ZBTB20: variants seen among roughly 807,000 people sequenced by gnomAD.
ZBTB20 encodes the protein zinc finger and BTB domain-containing protein 20.
A neutral mutation model predicts 56.9 loss-of-function variants in ZBTB20; 9 were observed. That is an observed-to-expected ratio of 0.16 (90% CI 0.10 to 0.28). ZBTB20 has a LOEUF of 0.28. ZBTB20 is among the 10% of genes least tolerant of loss of function. The pLI, the probability that ZBTB20 is intolerant of heterozygous loss-of-function variation, is 1.00. For synonymous variants in ZBTB20, 417 were observed against 420.7 expected (o/e 0.99, Z 0.11); for missense variants, 655 against 1,003.0 (o/e 0.65, Z 4.69).
At chr3:114,882,397 C>T (rs1402659330) in intron 4 of ZBTB20, among the ~76,000 whole-genome samples, 1 of 151,872 alleles carries the variant, frequency 6.6e-6, no homozygotes, top group Non-Finnish European at 1.5e-5. Context: ...TTTTAACAGG[C>T]ATCAAAATTT....
chr3:114,808,607 G>A (rs1292505986), intron 4 of ZBTB20, among the ~76,000 whole-genome samples: 1 of 151,648 alleles, frequency 6.6e-6, no homozygotes, highest in Non-Finnish European at 1.5e-5. Flanking sequence ...CTAAGTTTTG[G>A]TTGATCTTTT....
rs896551454 is a variant in ZBTB20 at position 114,948,194 on chromosome 3, T to C, written c.-456+26172A>G. On this transcript the variant is annotated intron_variant, in intron 3 of 11. Coordinates refer to ENST00000675478, the MANE Select transcript of ZBTB20 (RefSeq NM_001348800.3). ...AATAACAAAAATCCTATGATCTCAA[T>C]AGATCCAGAAATGTATGTGAATATT... 4.8e-5 allele frequency among the ~76,000 whole-genome samples: 7 copies of C among 144,670 alleles called. 1 individual carries two copies. The highest frequency in any genetic ancestry group is 1.9e-4 in the East Asian group (1 of 5,176). 94.9% of individuals were successfully genotyped at this position (144,670 alleles called of 152,430 possible). A position where few individuals can be genotyped will look rare whatever the true frequency, so the allele number is the denominator to read the frequency against.
intron 7 of ZBTB20, chr3:114,454,565 C>G (rs1020350779): frequency 6.6e-6 from 1 of 151,656 alleles, no homozygotes; most frequent in African/African-American, 2.4e-5. Flanking sequence ...TAAGGGGTAG[C>G]GAACATCTCA....
chr3:115,087,964 T>C (rs1339034039), intron 1 of ZBTB20, among the ~76,000 whole-genome samples: 1 of 151,930 alleles, frequency 6.6e-6, no homozygotes, highest in African/African-American at 2.4e-5. Context: ...AGTGCTTATT[T>C]GGCCCCAAAT....
chr3:114,483,464 A>G (rs2041774760), intron 7 of ZBTB20, among the ~76,000 whole-genome samples: 1 of 151,882 alleles, frequency 6.6e-6, no homozygotes, highest in Non-Finnish European at 1.5e-5. Flanking sequence ...TAGGTACAGC[A>G]AGCAGAAGAC....
At chr3:114,378,919 C>T (rs1251635270) in intron 10 of ZBTB20, 1 of 152,280 alleles carries the variant, frequency 6.6e-6, no homozygotes, top group Non-Finnish European at 1.5e-5. Flanking sequence ...CTGTTCAAAT[C>T]ACATAGGCCA....
At chr3:115,027,608 C>A (rs1432532136) in intron 2 of ZBTB20, 4 of 150,828 alleles carry the variant, frequency 2.7e-5, no homozygotes, top group East Asian at 1.9e-4. Flanking sequence ...TCTTACTTCA[C>A]AAAATATTCT....
chr3:114,402,251 G>A (rs2086888977), intron 7 of ZBTB20, among the ~76,000 whole-genome samples: 1 of 152,126 alleles, frequency 6.6e-6, no homozygotes, highest in Non-Finnish European at 1.5e-5. Flanking sequence ...AAAAAGGAGT[G>A]ATGAGATGGT....
intron 1 of ZBTB20, among the ~76,000 whole-genome samples, chr3:115,098,900 T>C (rs2108598954): frequency 6.6e-6 from 1 of 152,306 alleles, no homozygotes; most frequent in East Asian, 1.9e-4. Flanking sequence ...ATGACTGTTA[T>C]TATCAAAGAT....
At chr3:115,104,992 A>G (rs2108613795) in intron 1 of ZBTB20, among the ~76,000 whole-genome samples, 1 of 152,304 alleles carries the variant, frequency 6.6e-6, no homozygotes, top group Non-Finnish European at 1.5e-5. Context: ...GTACCTCCCC[A>G]TCGATTTTAC....
At chr3:114,666,937 C>T (rs1396518340) in intron 6 of ZBTB20, among the ~76,000 whole-genome samples, 1 of 151,894 alleles carries the variant, frequency 6.6e-6, no homozygotes, top group Non-Finnish European at 1.5e-5. Context: ...CAGATATGGG[C>T]TGGACAAGAT....
chr3:114,412,476 G>C (rs2108774937), intron 7 of ZBTB20, among the ~76,000 whole-genome samples: 1 of 152,244 alleles, frequency 6.6e-6, no homozygotes, highest in South Asian at 2.1e-4. Context: ...GTGTGACTGG[G>C]TGTATCGCTC....
chr3:114,912,677 G>A (rs533394862), intron 3 of ZBTB20, among the ~76,000 whole-genome samples: 1 of 151,750 alleles, frequency 6.6e-6, no homozygotes, highest in Middle Eastern at 3.4e-3. Context: ...ACCCTGTTGG[G>A]TGATCAAATA....
chr3:114,464,190 G>A (rs2092446233), intron 7 of ZBTB20, among the ~76,000 whole-genome samples: 1 of 151,846 alleles, frequency 6.6e-6, no homozygotes, highest in Non-Finnish European at 1.5e-5. Context: ...TTTTCTTGGG[G>A]GGCAATTTAT....
At chr3:114,500,831 A>T (rs1259931950) in intron 6 of ZBTB20, among the ~76,000 whole-genome samples, 1 of 152,214 alleles carries the variant, frequency 6.6e-6, no homozygotes, top group East Asian at 1.9e-4. Context: ...CTCAATACCC[A>T]CATGTGGCTG....
intron 6 of ZBTB20, among the ~76,000 whole-genome samples, chr3:114,538,424 A>G (rs182189561): frequency 1.3e-5 from 2 of 152,228 alleles, no homozygotes; most frequent in East Asian, 3.9e-4. Context: ...TCTATTACAC[A>G]AACTTCCTCT....
At chr3:114,814,679 G>A (rs749667038) in intron 4 of ZBTB20, among the ~76,000 whole-genome samples, 4 of 152,092 alleles carry the variant, frequency 2.6e-5, no homozygotes, top group Non-Finnish European at 5.9e-5. Context: ...TTGCCTTTCT[G>A]TGCACGAATA....
intron 3 of ZBTB20, among the ~76,000 whole-genome samples, chr3:114,920,985 T>C (rs2075936181): frequency 6.6e-6 from 1 of 152,108 alleles, no homozygotes; most frequent in African/African-American, 2.4e-5. Context: ...TTAGATAACT[T>C]AGTAAAAAAT....
chr3:114,548,641 C>T (rs970184024), intron 6 of ZBTB20, among the ~76,000 whole-genome samples: 2 of 151,986 alleles, frequency 1.3e-5, no homozygotes, highest in Non-Finnish European at 2.9e-5. Flanking sequence ...GCCTCAGCCT[C>T]CCAAGTAGCT....
Sources: allele counts gnomAD v4.1 joint callset (sites outside exome capture counted in the v4.1 genomes callset), GRCh38; gene constraint gnomAD v4.1.1; transcripts MANE v1.5; gene names NCBI Gene and HGNC (gene_info 2026-07-23, HGNC 2026-07-21).